RBBP5: variants seen among roughly 807,000 people sequenced by gnomAD.
RBBP5 encodes the protein RB binding protein 5, histone lysine methyltransferase complex subunit.
In RBBP5, 5 loss-of-function variants were observed where a neutral mutation model predicts 72.2. The ratio of observed to expected loss-of-function variants is 0.07; its 90% CI spans 0.04 to 0.15. RBBP5 has a LOEUF of 0.15. Ranked by LOEUF, RBBP5 falls within the 10% of genes least tolerant of loss-of-function variation. The pLI, the probability that RBBP5 is intolerant of heterozygous loss-of-function variation, is 1.00. For missense variants in RBBP5, 322 were observed against 652.2 expected (o/e 0.49, Z 5.51); for synonymous variants, 209 against 237.2 (o/e 0.88, Z 1.09).
intron 1 of RBBP5, among the ~76,000 whole-genome samples, chr1:205,116,579 G>A (rs1306989265): frequency 2.0e-5 from 3 of 152,210 alleles, no homozygotes; most frequent in Non-Finnish European, 4.4e-5. Context: ...AGAACTTTGG[G>A]AGGCCAAGTT....
At chr1:205,117,423 A>G (rs61822614) in intron 1 of RBBP5, among the ~76,000 whole-genome samples, 151,804 of 151,818 alleles carry the variant, frequency 1, 75,895 homozygotes, top group Middle Eastern at 1. Flanking sequence ...CACTTTGGGA[A>G]GCTGAGGCAG....
Position 205,094,898 on chromosome 1 carries a change from C to T in RBBP5, c.1563G>A (p.Gln521=). ...PLEGSAKGKV[Q]AELSQPLTAG... is the part of the protein sequence containing the mutation. The stretch of plus-strand genomic sequence containing the variant: ...CTGTCAAGGGCTGGCTGAGTTCCGC[C>T]TGCACTTTACCCTTCGCTGATCCTT... The change falls in exon 13 of 14, where the codon CAG becomes CAA. Residue 521 remains glutamine, a synonymous_variant. Transcript: ENST00000264515. The T allele has an allele frequency of 6.2e-7, 1 of 1,614,060 alleles. No homozygotes were observed. The highest frequency in any genetic ancestry group is 1.7e-5 in the Admixed American group (1 of 60,012).
chr1:205,121,029 T>C (rs73081277), intron 1 of RBBP5, among the ~76,000 whole-genome samples: 15,393 of 152,264 alleles, frequency 0.1, 1,433 homozygotes, highest in African/African-American at 0.24. Flanking sequence ...TTTATGTATC[T>C]TTGTAGCCCT....
intron 3 of RBBP5, among the ~76,000 whole-genome samples, chr1:205,106,716 GAC>G (rs1488122714): frequency 6.6e-6 from 1 of 152,064 alleles, no homozygotes; most frequent in Non-Finnish European, 1.5e-5. Flanking sequence ...AATAAGAAAA[GAC>G]AATCAATAGA....
intron 1 of RBBP5, 91 bp downstream of exon 1, chr1:205,121,764 C>T: frequency 6.3e-7 from 1 of 1,584,700 alleles, no homozygotes; most frequent in Non-Finnish European, 8.6e-7. Context: ...GAACAGTGTC[C>T]CTAAGATTGC....
intron 3 of RBBP5, among the ~76,000 whole-genome samples, chr1:205,111,831 G>A (rs1002233567): frequency 6.6e-6 from 1 of 152,086 alleles, no homozygotes; most frequent in East Asian, 1.9e-4. Flanking sequence ...TATGGCAGAC[G>A]AGGTTCTCCA....
intron 13 of RBBP5, among the ~76,000 whole-genome samples, chr1:205,093,694 G>C (rs1005530644): frequency 6.6e-6 from 1 of 150,546 alleles, no homozygotes; most frequent in African/African-American, 2.4e-5. Flanking sequence ...TATGGTGTTG[G>C]GCTATCAAAA....
At chr1:205,107,062 G>GTA (rs1656095831) in intron 3 of RBBP5, among the ~76,000 whole-genome samples, 1 of 137,936 alleles carries the variant, frequency 7.2e-6, no homozygotes, top group African/African-American at 2.7e-5. Context: ...ATGTATGTGT[G>GTA]TGTGTGTGTA....
intron 3 of RBBP5, among the ~76,000 whole-genome samples, chr1:205,110,837 G>GCAGATCACC (rs1269047794): frequency 1.3e-5 from 2 of 152,186 alleles, no homozygotes; most frequent in Non-Finnish European, 2.9e-5. Flanking sequence ...GCCAAGGCAG[G>GCAGATCACC]CAGATCACCT....
At chr1:205,116,387 G>T in intron 1 of RBBP5, 1 of 301,678 alleles carries the variant, frequency 3.3e-6, no homozygotes, top group Non-Finnish European at 6.9e-6. Context: ...AAACTCTCTG[G>T]GGACCCTCTA....
At chr1:205,098,524 G>C (rs1558573358) in intron 10 of RBBP5, among the ~76,000 whole-genome samples, 1 of 152,056 alleles carries the variant, frequency 6.6e-6, no homozygotes, top group Non-Finnish European at 1.5e-5. Context: ...AATTGTGTAA[G>C]CTTAAAGAAA....
At chr1:205,097,183 G>T in intron 11 of RBBP5, 143 bp downstream of exon 11, 1 of 837,786 alleles carries the variant, frequency 1.2e-6, no homozygotes, top group Non-Finnish European at 1.9e-6. Context: ...AGGCTACATT[G>T]GATTTCTTGT....
chr1:205,114,991 GGCA>G, intron 2 of RBBP5, 30 bp from the exon 3 acceptor site: 1 of 1,541,508 alleles, frequency 6.5e-7, no homozygotes, highest in Non-Finnish European at 8.8e-7. Context: ...CAAGAATAGA[GGCA>G]ACAATAGCCA....
chr1:205,098,932 T>G (rs1271634874), intron 10 of RBBP5, 57 bp downstream of exon 10: 1 of 1,126,746 alleles, frequency 8.9e-7, no homozygotes, highest in Non-Finnish European at 1.2e-6. Context: ...TGAAGAATAT[T>G]AAGTAAAGCA....
rs774265515 is a variant in RBBP5 at position 205,114,869 on chromosome 1, G to A, written c.138C>T (p.Gly46=). 1.3e-6 allele frequency: 2 copies of A among 1,573,954 alleles called. No individual in the cohort carries two copies. Among genetic ancestry groups the A allele is most frequent in the South Asian group, 1.2e-5 (1 of 86,266 alleles). The part of the protein sequence containing the change: ...GTLLAVGCND[G]RIVIWDFLTR... ...TCAAGAAATCCCAGATGACAATTCG[G>A]CCATCATTACAGCCAACTGCAAGCA... The change falls in exon 3 of 14, where the codon GGC becomes GGT. Residue 46 remains glycine (G), a synonymous_variant. Coordinates refer to ENST00000264515, the MANE Select transcript of RBBP5 (RefSeq NM_005057.4).
At chr1:205,104,481 C>A (rs1048209628) in intron 4 of RBBP5, among the ~76,000 whole-genome samples, 2 of 151,890 alleles carry the variant, frequency 1.3e-5, no homozygotes, top group Non-Finnish European at 1.5e-5. Context: ...TGAGACTGTG[C>A]CATTGCACTC....
intron 3 of RBBP5, among the ~76,000 whole-genome samples, chr1:205,107,552 A>C (rs1391362944): frequency 6.6e-6 from 1 of 152,226 alleles, no homozygotes; most frequent in Non-Finnish European, 1.5e-5. Flanking sequence ...TACTCTAAAG[A>C]ATGGCTACAT....
At chr1:205,107,551 G>A (rs1656122017) in intron 3 of RBBP5, among the ~76,000 whole-genome samples, 1 of 152,136 alleles carries the variant, frequency 6.6e-6, no homozygotes, top group African/African-American at 2.4e-5. Context: ...ATACTCTAAA[G>A]AATGGCTACA....
chr1:205,088,949 TACATAACCA>T, intron 13 of RBBP5, 134 bp from the exon 14 acceptor site: 1 of 753,914 alleles, frequency 1.3e-6, no homozygotes, highest in East Asian at 3.1e-5. Flanking sequence ...TTTAAGAAAA[TACATAACCA>T]ACTCCAACTC....
Sources: gnomAD v4.1 joint callset for allele counts (sites outside exome capture counted in the v4.1 genomes callset) on GRCh38, gnomAD v4.1.1 for gene constraint, MANE v1.5 for transcripts, NCBI Gene and HGNC (gene_info 2026-07-23, HGNC 2026-07-21) for gene names.